DERA: variants seen among roughly 807,000 people sequenced by gnomAD.
The protein encoded by DERA is deoxyribose-phosphate aldolase.
A neutral mutation model predicts 41.1 loss-of-function variants in DERA; 15 were observed. That is an observed-to-expected ratio of 0.37 (90% CI 0.24 to 0.56). DERA has a LOEUF of 0.56. Ranked by LOEUF, DERA falls within the 20% of genes least tolerant of loss-of-function variation. The pLI is 0.81. For missense variants in DERA, 396 were observed against 403.4 expected (o/e 0.98, Z 0.16); for synonymous variants, 139 against 137.4 (o/e 1.01, Z -0.08).
At chr12:16,025,827 A>G (rs11056754) in intron 6 of DERA, among the ~76,000 whole-genome samples, 40,659 of 152,004 alleles carry the variant, frequency 0.27, 5,750 homozygotes, top group Middle Eastern at 0.38. Flanking sequence ...ACAGATTTAA[A>G]AGACTGAAAA....
In DERA at chr12:15,918,310, G is replaced by A. The variant is rs928655775; in HGVS notation, c.31+6896G>A. ...CCGGCCGCCTCGCCTCCCTCTGCAGGTGGATACCCTCCTTACCCTGCTTGC... is the reference window on the plus strand; with the variant it reads ...CCGGCCGCCTCGCCTCCCTCTGCAGATGGATACCCTCCTTACCCTGCTTGC... On this transcript the variant is annotated intron_variant, in intron 1 of 8. Coordinates refer to ENST00000428559, the MANE Select transcript of DERA (RefSeq NM_015954.4). This position sits in a 1 kb window ranked among gnomAD's most constrained non-coding sequence, Gnocchi z 4.3. 6.6e-6 allele frequency among the ~76,000 whole-genome samples: 1 copy of A among 152,110 alleles called. No homozygotes were observed. Among genetic ancestry groups the A allele is most frequent in the Non-Finnish European group, 1.5e-5 (1 of 68,030 alleles).
rs1367359680 is a variant in DERA, at chr12:15,990,657, G to T, written c.637+8221G>T. ...CTGTTATTCTCCTTGATGTGTCTAT[G>T]TGTTGTCATCATTTAGCTCCCACTT... On this transcript the variant is annotated intron_variant, in intron 6 of 8. Coordinates refer to ENST00000428559, the MANE Select transcript of DERA (RefSeq NM_015954.4). The surrounding 1 kb of genome is among the most constrained non-coding windows in gnomAD (Gnocchi z 4.3). Among the ~76,000 whole-genome samples the T allele has an allele frequency of 6.6e-6, 1 of 152,058 alleles. No individual in the cohort carries two copies. The highest frequency in any genetic ancestry group is 6.6e-5 in the Admixed American group (1 of 15,266).
Position 15,980,646 on chromosome 12 carries a change from G to A in DERA, c.509-1662G>A, listed in dbSNP as rs150472545. On this transcript the variant is annotated intron_variant, in intron 5 of 8. Coordinates refer to ENST00000428559, the MANE Select transcript of DERA (RefSeq NM_015954.4). ...TCTCCCAGGTTAGGTAGATGGGCAG[G>A]GTAAGGTAGGTGGTGTGGCATCTCA... is the stretch of plus-strand genomic sequence containing the variant. 6.6e-4 allele frequency among the ~76,000 whole-genome samples: 101 copies of A among 152,144 alleles called. 2 individuals are homozygous for A. Among genetic ancestry groups the A allele is most frequent in the African/African-American group, 2.3e-3 (97 of 41,494 alleles).
At position 15,922,136 on chromosome 12, in the gene DERA, A is replaced by G. The variant is rs1272085303; in HGVS notation, c.31+10722A>G. ...TGTCTTTGTGAAAGCTATAAGAGCA[A>G]TAGAACTTAGGAGCCCTGCCCTTGA... On this transcript the variant is annotated intron_variant, in intron 1 of 8. Transcript: ENST00000428559. The surrounding 1 kb of genome is among the most constrained non-coding windows in gnomAD (Gnocchi z 4.9). 6.6e-6 allele frequency among the ~76,000 whole-genome samples: 1 copy of G among 152,184 alleles called. No homozygotes were observed. The highest frequency in any genetic ancestry group is 1.5e-5 in the Non-Finnish European group (1 of 68,036).
rs1948178646 is a variant in DERA at position 15,913,513 on chromosome 12, T to G, written c.31+2099T>G. 1.3e-5 allele frequency among the ~76,000 whole-genome samples: 2 copies of G among 152,230 alleles called. No homozygotes were observed. The highest frequency in any genetic ancestry group is 2.4e-5 in the African/African-American group (1 of 41,470). On this transcript the variant is annotated intron_variant, in intron 1 of 8. Coordinates refer to ENST00000428559, the MANE Select transcript of DERA (RefSeq NM_015954.4). This position sits in a 1 kb window ranked among gnomAD's most constrained non-coding sequence, Gnocchi z 4.5. ...CATCGTAACTAATTTCTAAAATAAA[T>G]TAACATTTTTGCTTCCCTTTTCTTA...
Position 15,994,293 on chromosome 12 carries a change from T to A in DERA, c.637+11857T>A, listed in dbSNP as rs1948822198. ...AAAGCTGTATTTCCCCTTTAAACAT[T>A]AAGGGATTTTATTTTCTAAGTGAAA... On this transcript the variant is annotated intron_variant, in intron 6 of 8. Coordinates refer to ENST00000428559, the MANE Select transcript of DERA (RefSeq NM_015954.4). This position sits in a 1 kb window ranked among gnomAD's most constrained non-coding sequence, Gnocchi z 4.8. Among the ~76,000 whole-genome samples the A allele has an allele frequency of 2.0e-5, 3 of 152,208 alleles. No homozygotes were observed.
In DERA at chr12:15,936,952, T is replaced by A. The variant is rs74609504; in HGVS notation, c.32-19984T>A. The stretch of plus-strand genomic sequence containing the variant: ...TGTCCTGTCTTGTCCTGTCCCGTCC[T>A]GTCCTGCCCTGCCCTGCCCTGTCTT... On this transcript the variant is annotated intron_variant, in intron 1 of 8. Coordinates refer to ENST00000428559, the MANE Select transcript of DERA (RefSeq NM_015954.4). This position sits in a 1 kb window ranked among gnomAD's most constrained non-coding sequence, Gnocchi z 4.6. Among the ~76,000 whole-genome samples, 1 of 149,122 alleles carries A rather than the reference T, an allele frequency of 6.7e-6. No homozygotes were observed. Among genetic ancestry groups the A allele is most frequent in the African/African-American group, 2.5e-5 (1 of 39,910 alleles).
intron 1 of DERA, among the ~76,000 whole-genome samples, chr12:15,948,501 G>A (rs1179189093): frequency 6.6e-6 from 1 of 152,190 alleles, no homozygotes. Flanking sequence ...AGCTACTGAA[G>A]CTTGTGTATT....
intron 1 of DERA, chr12:15,916,453 T>TC (rs1159381214): frequency 2.0e-5 from 3 of 146,426 alleles, no homozygotes; most frequent in Non-Finnish European, 4.5e-5. Flanking sequence ...TTTCTTTTTT[T>TC]TTTTTTTTTT....
rs1182935024 is a variant in DERA, at chr12:15,929,375, G to A, written c.31+17961G>A. 2.0e-5 allele frequency among the ~76,000 whole-genome samples: 3 copies of A among 152,208 alleles called. No individual in the cohort carries two copies. The East Asian group carries it at 5.8e-4, about 29-fold the overall frequency. ...CAGTGTTTTGAATCAGCACCCAGCAGGTGGTGATTTCCCCTCTAATTCGGT... is the reference window on the plus strand; with the variant it reads ...CAGTGTTTTGAATCAGCACCCAGCAAGTGGTGATTTCCCCTCTAATTCGGT... On this transcript the variant is annotated intron_variant, in intron 1 of 8. Coordinates refer to ENST00000428559, the MANE Select transcript of DERA (RefSeq NM_015954.4).
chr12:15,944,845 G>A (rs941365537), intron 1 of DERA, among the ~76,000 whole-genome samples: 91 of 152,132 alleles, frequency 6.0e-4, no homozygotes, highest in Non-Finnish European at 1.1e-3. Context: ...TTTTCTTCTA[G>A]GGTTTTTATG....
Position 15,972,149 on chromosome 12 carries a change from C to A in DERA, c.508+9202C>A. On this transcript the variant is annotated intron_variant, in intron 5 of 8. Transcript: ENST00000428559. The surrounding 1 kb of genome is among the most constrained non-coding windows in gnomAD (Gnocchi z 4.4). The stretch of plus-strand genomic sequence containing the variant: ...GTAGCCTGGTATCCCAGTTCTTGTT[C>A]AGATAGTAGATGCAGGTGGTGCAGC... 1 of 166,586 alleles carries A rather than the reference C, an allele frequency of 6.0e-6. No homozygotes were observed. The highest frequency in any genetic ancestry group is 1.5e-4 in the South Asian group (1 of 6,504). 10.3% of individuals were successfully genotyped at this position (166,586 alleles called of 1,614,324 possible). A position where few individuals can be genotyped will look rare whatever the true frequency, so the allele number is the denominator to read the frequency against.
At chr12:15,945,109 AC>A (rs1238990690) in intron 1 of DERA, among the ~76,000 whole-genome samples, 3 of 152,164 alleles carry the variant, frequency 2.0e-5, no homozygotes, top group Non-Finnish European at 2.9e-5. Context: ...TGGTACCAGT[AC>A]CATGCTGTTT....
rs1294146822 is a variant in DERA at position 15,988,857 on chromosome 12, G to A, written c.637+6421G>A. Among the ~76,000 whole-genome samples, 1 of 152,202 alleles carries A rather than the reference G, an allele frequency of 6.6e-6. No individual in the cohort carries two copies. The highest frequency in any genetic ancestry group is 1.5e-5 in the Non-Finnish European group (1 of 68,034). On this transcript the variant is annotated intron_variant, in intron 6 of 8. Transcript: ENST00000428559. The surrounding 1 kb of genome is among the most constrained non-coding windows in gnomAD (Gnocchi z 6.0). ...ACACCAAGCTGCCCTCAGCCCCTTG[G>A]CCTTTCTCCTATGCTTGTTGTCGCC...
At chr12:15,914,175 A>G (rs1375012177) in intron 1 of DERA, among the ~76,000 whole-genome samples, 1 of 152,132 alleles carries the variant, frequency 6.6e-6, no homozygotes, top group Admixed American at 6.5e-5. Flanking sequence ...TGAGATCAGA[A>G]GTTGGAGACC....
At position 16,000,986 on chromosome 12, in the gene DERA, T is replaced by TA. The variant is rs1948871198; in HGVS notation, c.637+18554dup. On this transcript the variant is annotated intron_variant, in intron 6 of 8. Coordinates refer to ENST00000428559, the MANE Select transcript of DERA (RefSeq NM_015954.4). The surrounding 1 kb of genome is among the most constrained non-coding windows in gnomAD (Gnocchi z 4.8). ...TTCAAAAATATAAAATAAAAATCCT[T>TA]AAAAGTGCTCTGAGACATTTTCATT... Among the ~76,000 whole-genome samples, 1 of 152,212 alleles carries TA rather than the reference T, an allele frequency of 6.6e-6. No homozygotes were observed. The highest frequency in any genetic ancestry group is 2.4e-5 in the African/African-American group (1 of 41,460).
Position 15,911,347 on chromosome 12 carries a change from G to A in DERA, c.-37G>A. 1 of 1,432,238 alleles carries A rather than the reference G, an allele frequency of 7.0e-7. No individual in the cohort carries two copies. The allele number at this position is 1,432,238 out of a possible 1,614,324, so 88.7% of individuals were successfully genotyped here. ...AGGGCCGGGCGCGGCGCAGAGGCGG[G>A]CGCCTACCAGCCGGCAGCTCCGGAG... On this transcript the variant is annotated 5_prime_UTR_variant, in exon 1 of 9. Transcript: ENST00000428559. This position sits in a 1 kb window ranked among gnomAD's most constrained non-coding sequence, Gnocchi z 4.5.
At position 15,931,908 on chromosome 12, in the gene DERA, A is replaced by G. The variant is rs756211676; in HGVS notation, c.31+20494A>G. Among the ~76,000 whole-genome samples the G allele has an allele frequency of 6.6e-6, 1 of 152,082 alleles. No individual in the cohort carries two copies. Among genetic ancestry groups the G allele is most frequent in the Non-Finnish European group, 1.5e-5 (1 of 68,022 alleles). On this transcript the variant is annotated intron_variant, in intron 1 of 8. Transcript: ENST00000428559. This position sits in a 1 kb window ranked among gnomAD's most constrained non-coding sequence, Gnocchi z 4.6. ...AGATCTTGTGAGTTTTTTTGCACAT[A>G]CCTGCTACCTTTCACGTGTCCGCTT...
intron 6 of DERA, among the ~76,000 whole-genome samples, chr12:16,032,277 A>C (rs747251401): frequency 1.3e-5 from 2 of 152,214 alleles, no homozygotes; most frequent in Non-Finnish European, 2.9e-5. Flanking sequence ...ACTTGATTTT[A>C]ATTGGCATTG....
Sources: allele counts gnomAD v4.1 joint callset (sites outside exome capture counted in the v4.1 genomes callset), GRCh38; gene constraint gnomAD v4.1.1; non-coding constraint Gnocchi (gnomAD v3.1); transcripts MANE v1.5; gene names NCBI Gene and HGNC (gene_info 2026-07-23, HGNC 2026-07-21).